The following PKD1 variants were observed in gnomAD, a reference collection of about 807,000 sequenced individuals.
PKD1 encodes the protein polycystin 1, transient receptor potential channel interacting, also known as polycystin-1.
In PKD1, 81 loss-of-function variants were observed where a neutral mutation model predicts 361.7. The ratio of observed to expected loss-of-function variants is 0.22; its 90% CI spans 0.19 to 0.27. The LOEUF (loss-of-function observed/expected upper bound fraction) is 0.27. Ranked by LOEUF, PKD1 falls within the 10% of genes least tolerant of loss-of-function variation. The probability of loss-of-function intolerance (pLI) is 1.00; values close to 1 mark genes in which losing one functional copy is unlikely to be tolerated. For missense variants in PKD1, 6,399 were observed against 6,118.3 expected (o/e 1.05, Z -1.53); for synonymous variants, 3,615 against 2,818.3 (o/e 1.28, Z -8.95).
At chr16:2,127,749 TGAGA>T (rs1422479311) in intron 1 of PKD1, among the ~76,000 whole-genome samples, 1 of 151,104 alleles carries the variant, frequency 6.6e-6, no homozygotes, top group African/African-American at 2.4e-5. Flanking sequence ...AAACTGAGGC[TGAGA>T]GACTGGACCA....
chr16:2,112,113 G>A (rs886846822), intron 14 of PKD1, among the ~76,000 whole-genome samples: 1 of 152,238 alleles, frequency 6.6e-6, no homozygotes, highest in African/African-American at 2.4e-5. Context: ...AGCAGCAAGA[G>A]CCAGGCCCGG....
Position 2,091,188 on chromosome 16 carries a change from G to T in PKD1, c.11713-14C>A, listed in dbSNP as rs769617175. ...CAGCAGGCACACCTGTGGGGGGCGC[G>T]GTCAGGAGGGCGGGAGGGACGCTGC... On this transcript the variant is annotated splice_polypyrimidine_tract_variant and intron_variant, in intron 42 of 45. Coordinates refer to ENST00000262304, the MANE Select transcript of PKD1 (RefSeq NM_001009944.3). 4 of 1,392,006 alleles carry T rather than the reference G, an allele frequency of 2.9e-6. No homozygotes were observed. The South Asian group carries it at 6.1e-5, about 21-fold the overall frequency. 86.2% of individuals were successfully genotyped at this position (1,392,006 alleles called of 1,614,324 possible). A position where few individuals can be genotyped will look rare whatever the true frequency, so the allele number is the denominator to read the frequency against.
At chr16:2,116,776 T>A (rs2151820376) in intron 7 of PKD1, 57 bp downstream of exon 7, 2 of 1,188,140 alleles carry the variant, frequency 1.7e-6, no homozygotes, top group Admixed American at 2.0e-5. Flanking sequence ...CCGCGGGCGC[T>A]CGGCAGGCCC....
intron 1 of PKD1, among the ~76,000 whole-genome samples, chr16:2,126,220 G>C (rs987868484): frequency 1.3e-5 from 2 of 152,254 alleles, no homozygotes; most frequent in Non-Finnish European, 2.9e-5. Flanking sequence ...TCCCACAGCT[G>C]TGACGTTCCC....
chr16:2,099,271 G>T lies in PKD1; in HGVS notation c.10050+373C>A, dbSNP rs1357674654. The T allele has an allele frequency of 1.1e-5, 4 of 359,844 alleles. No homozygotes were observed. The East Asian group carries it at 2.9e-4, about 26-fold the overall frequency. 22.3% of individuals were successfully genotyped at this position (359,844 alleles called of 1,614,324 possible). On this transcript the variant is annotated intron_variant, in intron 30 of 45. Coordinates refer to ENST00000262304, the MANE Select transcript of PKD1 (RefSeq NM_001009944.3). ...GCCACCACACCCGGCCCGGCCACTGGGACGTTTCTAAGGGACTAACTCAGC... is the reference window on the plus strand; with the variant it reads ...GCCACCACACCCGGCCCGGCCACTGTGACGTTTCTAAGGGACTAACTCAGC...
chr16:2,105,288 T>G (rs746071049), intron 21 of PKD1, 34 bp downstream of exon 21: 30 of 1,590,328 alleles, frequency 1.9e-5, no homozygotes, highest in Admixed American at 3.4e-5. Flanking sequence ...CTGGCAGGCA[T>G]GCGGGGCAGG....
Position 2,090,701 on chromosome 16 carries a change from C to T in PKD1, c.12111G>A (p.Gly4037=), listed in dbSNP as rs779835697. 1.9e-6 allele frequency: 3 copies of T among 1,612,456 alleles called. No individual in the cohort carries two copies. Among genetic ancestry groups the T allele is most frequent in the South Asian group, 1.1e-5 (1 of 91,086 alleles). The change falls in exon 44 of 46, where the codon GGG becomes GGA. Residue 4037 remains glycine (G), a synonymous_variant. Transcript: ENST00000262304. The part of the protein sequence containing the change: ...LGVTLGLVVL[G]VAYAQLAILL... The stretch of plus-strand genomic sequence containing the variant: ...GGATGGCCAGCTGGGCGTAGGCTAC[C>T]CCGAGCACCACCAGGCCCAAGGTGA...
Position 2,089,967 on chromosome 16 carries a change from G to T in PKD1, c.12672C>A (p.Thr4224=). ...RLQAVFEALL[T]QFDRLNQATE... The stretch of plus-strand genomic sequence containing the variant: ...TGGCCTGGTTGAGTCGGTCAAACTG[G>T]GTGAGCAGGGCCTCGAACACGGCTT... Residue 4224 remains threonine (T), a synonymous_variant, in exon 46 of 46, where the codon ACC becomes ACA. Transcript: ENST00000262304. 4.3e-6 allele frequency: 7 copies of T among 1,612,146 alleles called. No individual in the cohort carries two copies. Among genetic ancestry groups the T allele is most frequent in the Non-Finnish European group, 5.9e-6 (7 of 1,179,730 alleles).
At chr16:2,127,162 C>T (rs2092809701) in intron 1 of PKD1, among the ~76,000 whole-genome samples, 2 of 152,230 alleles carry the variant, frequency 1.3e-5, no homozygotes, top group African/African-American at 4.8e-5. Flanking sequence ...ACCGCCACCA[C>T]CTAACAGCAA....
Position 2,107,862 on chromosome 16 carries a change from C to T in PKD1, c.7065+21G>A, listed in dbSNP as rs9930234. On this transcript the variant is annotated intron_variant, in intron 16 of 45. Transcript: ENST00000262304. ...GGCTGGGCTGTCCAAGGCAAGTGGC[C>T]GAGGGGCGGGCGGCACCCACCGTCT... 1.2e-3 allele frequency: 1,793 copies of T among 1,542,002 alleles called. 11 individuals are homozygous for T. In the African/African-American group the frequency reaches 0.012, roughly 10 times the overall value.
At chr16:2,117,142 C>G (rs1470457145) in intron 6 of PKD1, 89 bp from the exon 7 acceptor site, 2 of 716,772 alleles carry the variant, frequency 2.8e-6, no homozygotes, top group Admixed American at 4.9e-5. Flanking sequence ...CCATCACTGT[C>G]CCCCTTTCCA....
intron 32 of PKD1, 100 bp from the exon 33 acceptor site, chr16:2,097,603 C>G: frequency 5.0e-6 from 8 of 1,609,928 alleles, no homozygotes; most frequent in East Asian, 2.2e-5. Flanking sequence ...CCGAGCAAAC[C>G]TGCTCCCGGG....
At chr16:2,103,099 T>G (rs2092166021) in intron 23 of PKD1, 129 bp from the exon 24 acceptor site, 10 of 1,273,516 alleles carry the variant, frequency 7.9e-6, no homozygotes, top group Non-Finnish European at 9.9e-6. Context: ...GCACCAGAGC[T>G]GGCACCTGCT....
rs754040914 is a variant in PKD1 at position 2,106,681 on chromosome 16, C to G, written c.7210-4G>C. The G allele has an allele frequency of 1.3e-6, 2 of 1,593,836 alleles. No individual in the cohort carries two copies. The highest frequency in any genetic ancestry group is 1.3e-5 in the African/African-American group (1 of 74,844). On this transcript the variant is annotated splice_polypyrimidine_tract_variant and splice_region_variant and intron_variant, in intron 17 of 45. Transcript: ENST00000262304. This position sits in a 1 kb window ranked among gnomAD's most constrained non-coding sequence, Gnocchi z 6.5. ...TGAACGTACGTGCAGCCCACCGCTG[C>G]AGGCAGAAGGGGTGGTGAGGGGGCG...
intron 39 of PKD1, 81 bp downstream of exon 39, chr16:2,092,399 G>A: frequency 9.3e-7 from 1 of 1,070,796 alleles, no homozygotes; most frequent in Non-Finnish European, 1.4e-6. Context: ...AGGGAGCAGG[G>A]CTGATGCCAG....
In PKD1 at chr16:2,109,684, T is replaced by C. The variant is rs563854855; in HGVS notation, c.5483A>G (p.Gln1828Arg). The C allele has an allele frequency of 5.5e-5, 88 of 1,589,982 alleles. No individual in the cohort carries two copies. In the East Asian group the frequency reaches 2.0e-3, roughly 36 times the overall value. The part of the protein sequence containing the change: ...AAGSSVPFWG[Q>R]LATGTNVSWC... Reference sequence around the variant, plus strand: ...GCTCACATTGGTGCCCGTGGCCAGCTGCCCCCAAAAGGGCACAGAGGACCC... The same window carrying C: ...GCTCACATTGGTGCCCGTGGCCAGCCGCCCCCAAAAGGGCACAGAGGACCC... The change falls in exon 15 of 46, where the codon CAG becomes CGG. Residue 1828 changes from glutamine (Q) to arginine (R), a missense_variant. Gln to Arg is a conservative substitution (Grantham distance 43, BLOSUM62 1). Transcript: ENST00000262304.
Position 2,097,404 on chromosome 16 carries a change from G to A in PKD1, c.10320C>T (p.Gly3440=), listed in dbSNP as rs762435984. The change falls in exon 33 of 46, where the codon GGC becomes GGT. Residue 3440 remains glycine (G), a synonymous_variant. Transcript: ENST00000262304. The part of the protein sequence containing the change: ...VGSNLRQLAR[G]QAGHGLGPEE... ...CTGGGCCCAGCCCATGGCCCGCCTGGCCCCGTGCCAGCTGCCGCAGATTGC... is the reference window on the plus strand; with the variant it reads ...CTGGGCCCAGCCCATGGCCCGCCTGACCCCGTGCCAGCTGCCGCAGATTGC... 1 of 1,610,168 alleles carries A rather than the reference G, an allele frequency of 6.2e-7. No homozygotes were observed. The highest frequency in any genetic ancestry group is 1.1e-5 in the South Asian group (1 of 91,066).
rs765817540 is a variant in PKD1 at position 2,094,173 on chromosome 16, G to C, written c.10537C>G (p.Leu3513Val). Residue 3513 changes from leucine (L) to valine (V), a missense_variant, in exon 35 of 46, where the codon CTG (leucine) becomes GTG (valine). Leu to Val is a conservative substitution (Grantham distance 32, BLOSUM62 1). Transcript: ENST00000262304. ...TPGEKTETLALQRLGELGPPS... is the reference protein window; with the variant it reads ...TPGEKTETLAVQRLGELGPPS... ...GGCCCCAGCTCCCCCAGCCTCTGCA[G>C]CGCCAGCGTCTCTGTCTTCTCCCCA... is the stretch of plus-strand genomic sequence containing the variant. The C allele has an allele frequency of 2.5e-6, 4 of 1,606,092 alleles. No individual in the cohort carries two copies. The highest frequency in any genetic ancestry group is 2.7e-5 in the African/African-American group (2 of 74,822).
chr16:2,107,799 C>T (rs1455588782), intron 16 of PKD1, 84 bp downstream of exon 16: 3 of 1,318,778 alleles, frequency 2.3e-6, no homozygotes, highest in African/African-American at 2.9e-5. Context: ...GCGGCCTCCA[C>T]CAGCACTAAA....
Sources: allele counts gnomAD v4.1 joint callset (sites outside exome capture counted in the v4.1 genomes callset), GRCh38; gene constraint gnomAD v4.1.1; non-coding constraint Gnocchi (gnomAD v3.1); transcripts MANE v1.5; gene names NCBI Gene and HGNC (gene_info 2026-07-23, HGNC 2026-07-21).